Variants in GRID2 observed in about 807,000 individuals in gnomAD.
The protein encoded by GRID2 is glutamate ionotropic receptor delta type subunit 2.
A neutral mutation model predicts 114.8 loss-of-function variants in GRID2; 33 were observed. The observed-to-expected ratio is 0.29, with a 90% CI of 0.22 to 0.38. The LOEUF (loss-of-function observed/expected upper bound fraction) is 0.38, where lower values mean the gene tolerates loss of function less well. Among genes scored for constraint, GRID2 ranks in the 10% least tolerant of loss-of-function variants. GRID2 has a pLI of 1.00. For synonymous variants in GRID2, 505 were observed against 449.9 expected, an observed-to-expected ratio of 1.12 and a Z score of -1.55; for missense variants, 1,184 against 1,257.7, an observed-to-expected ratio of 0.94 and a Z score of 0.89.
chr4:92,790,373 A>T (rs1008188797), intron 2 of GRID2, among the ~76,000 whole-genome samples: 1 of 151,788 alleles, frequency 6.6e-6, no homozygotes, highest in Non-Finnish European at 1.5e-5. Context: ...TAACATTGTT[A>T]ATATACTTAT....
At chr4:92,706,748 T>C (rs1734976883) in intron 2 of GRID2, among the ~76,000 whole-genome samples, 2 of 152,238 alleles carry the variant, frequency 1.3e-5, no homozygotes, top group African/African-American at 4.8e-5. Flanking sequence ...CTATCTTACA[T>C]GTAAATATAA....
intron 9 of GRID2, among the ~76,000 whole-genome samples, chr4:93,407,739 C>CTCCTCCTCA (rs1414980653): frequency 7.9e-6 from 1 of 125,970 alleles, no homozygotes; most frequent in African/African-American, 3.3e-5. Context: ...CCTCCTCCTC[C>CTCCTCCTCA]TCCTCCTCCT....
intron 14 of GRID2, among the ~76,000 whole-genome samples, chr4:93,627,013 T>C (rs1488029178): frequency 3.3e-5 from 5 of 152,216 alleles, no homozygotes; most frequent in Admixed American, 6.5e-5. Flanking sequence ...AATCAGAATT[T>C]CTATGATGAA....
intron 1 of GRID2, among the ~76,000 whole-genome samples, chr4:92,487,482 T>C (rs1237213658): frequency 6.6e-6 from 1 of 152,108 alleles, no homozygotes; most frequent in Non-Finnish European, 1.5e-5. Context: ...CTTCATTTTC[T>C]TTTCATTTTT....
intron 2 of GRID2, among the ~76,000 whole-genome samples, chr4:92,999,925 A>C (rs1280310632): frequency 2.0e-5 from 3 of 151,738 alleles, no homozygotes; most frequent in Admixed American, 6.6e-5. Flanking sequence ...CATCAGGAAC[A>C]GTTTGTCCTA....
chr4:92,830,400 CCATACCAA>C (rs1742024041), intron 2 of GRID2, among the ~76,000 whole-genome samples: 2 of 151,878 alleles, frequency 1.3e-5, no homozygotes, highest in African/African-American at 4.8e-5. Flanking sequence ...GGTGCATAAA[CCATACCAA>C]CATACCAACA....
At chr4:92,408,284 T>C (rs1731120516) in intron 1 of GRID2, among the ~76,000 whole-genome samples, 1 of 152,050 alleles carries the variant, frequency 6.6e-6, no homozygotes, top group South Asian at 2.1e-4. Context: ...AGATTCTCTA[T>C]TCTGTTCCAC....
intron 2 of GRID2, among the ~76,000 whole-genome samples, chr4:92,810,014 T>C (rs1175849176): frequency 6.6e-6 from 1 of 152,190 alleles, no homozygotes; most frequent in East Asian, 1.9e-4. Context: ...GAGGGTTCTA[T>C]TGATAATTCT....
At chr4:92,904,714 G>A (rs1308548335) in intron 2 of GRID2, among the ~76,000 whole-genome samples, 1 of 151,948 alleles carries the variant, frequency 6.6e-6, no homozygotes, top group East Asian at 1.9e-4. Context: ...ATTAAGAAAT[G>A]AATGATGTGA....
At chr4:93,001,331 T>G (rs1281123017) in intron 2 of GRID2, among the ~76,000 whole-genome samples, 1 of 151,648 alleles carries the variant, frequency 6.6e-6, no homozygotes, top group African/African-American at 2.4e-5. Context: ...GCCCTCCAAT[T>G]TCATTAGTGA....
At chr4:93,162,227 G>A (rs1737755295) in intron 4 of GRID2, among the ~76,000 whole-genome samples, 1 of 151,838 alleles carries the variant, frequency 6.6e-6, no homozygotes, top group African/African-American at 2.4e-5. Flanking sequence ...AATTTTATCA[G>A]AATTGTAATA....
At chr4:93,021,313 T>C (rs1723263426) in intron 2 of GRID2, among the ~76,000 whole-genome samples, 1 of 151,022 alleles carries the variant, frequency 6.6e-6, no homozygotes, top group African/African-American at 2.4e-5. Context: ...ACTACTTTGC[T>C]AAACAATGGA....
chr4:92,768,082 AAAAG>A lies in GRID2; in HGVS notation c.244+177801_244+177804del, dbSNP rs1335103546. 4.6e-5 allele frequency among the ~76,000 whole-genome samples: 7 copies of A among 152,306 alleles called. No homozygotes were observed. The East Asian group carries it at 1.2e-3, about 25-fold the overall frequency. ...TCAATAAGACATATTGAGCAATACTAAAAGAAAGTTGTGATTGAAAATAAAATCT... is the reference window on the plus strand; with the variant it reads ...TCAATAAGACATATTGAGCAATACTAAAAGTTGTGATTGAAAATAAAATCT... On this transcript the variant is annotated intron_variant, in intron 2 of 15. Transcript: ENST00000282020.
intron 8 of GRID2, chr4:93,306,043 G>C (rs1056253027): frequency 6.6e-6 from 1 of 152,138 alleles, no homozygotes; most frequent in African/African-American, 2.4e-5. Context: ...ATACATGTCT[G>C]CAGCATGAAG....
At chr4:92,748,109 C>A (rs1314582912) in intron 2 of GRID2, among the ~76,000 whole-genome samples, 1 of 152,112 alleles carries the variant, frequency 6.6e-6, no homozygotes, top group Non-Finnish European at 1.5e-5. Context: ...AGGAATGGGA[C>A]CCTGATACCA....
intron 1 of GRID2, among the ~76,000 whole-genome samples, chr4:92,556,732 C>T: frequency 6.6e-6 from 1 of 152,094 alleles, no homozygotes; most frequent in East Asian, 1.9e-4. Context: ...TGGCTGGAGA[C>T]CACTTGTTTG....
intron 8 of GRID2, among the ~76,000 whole-genome samples, chr4:93,334,882 G>C (rs1758874270): frequency 6.6e-6 from 1 of 151,740 alleles, no homozygotes; most frequent in South Asian, 2.1e-4. Flanking sequence ...GGTGAGCTGA[G>C]ATCACGCCAT....
intron 4 of GRID2, among the ~76,000 whole-genome samples, chr4:93,173,536 A>T (rs1739052482): frequency 6.6e-6 from 1 of 152,232 alleles, no homozygotes; most frequent in Non-Finnish European, 1.5e-5. Flanking sequence ...GGAATTGATG[A>T]TAAAATATAA....
chr4:93,129,291 A>C (rs550008624), intron 4 of GRID2, among the ~76,000 whole-genome samples: 1 of 152,320 alleles, frequency 6.6e-6, no homozygotes, highest in East Asian at 1.9e-4. Flanking sequence ...AATAATAAGA[A>C]TAGGGTTATT....
Sources: allele counts gnomAD v4.1 joint callset (sites outside exome capture counted in the v4.1 genomes callset), GRCh38; gene constraint gnomAD v4.1.1; transcripts MANE v1.5; gene names NCBI Gene and HGNC (gene_info 2026-07-23, HGNC 2026-07-21).